SNX29: variants seen among roughly 807,000 people sequenced by gnomAD.
The protein encoded by SNX29 is sorting nexin-29.
SNX29 carries 78 observed loss-of-function variants against 102.1 expected under a neutral mutation model. That is an observed-to-expected ratio of 0.76 (90% CI 0.64 to 0.92). The LOEUF is 0.92. Among genes scored for constraint, SNX29 ranks in the 40% least tolerant of loss-of-function variants. The pLI is 0.00. For missense variants in SNX29, 1,280 were observed against 1,061.7 expected, an observed-to-expected ratio of 1.21 and a Z score of -2.86; for synonymous variants, 580 against 414.5, an observed-to-expected ratio of 1.40 and a Z score of -4.85.
intron 14 of SNX29, among the ~76,000 whole-genome samples, chr16:12,226,893 G>C (rs894347502): frequency 3.9e-5 from 6 of 152,092 alleles, no homozygotes; most frequent in Non-Finnish European, 8.8e-5. Flanking sequence ...TTCAGGTTTT[G>C]GTGGCATTTA....
rs990017166 is a variant in SNX29 at position 12,551,691 on chromosome 16, C to A, written c.2319-16815C>A. Among the ~76,000 whole-genome samples, 58 of 152,328 alleles carry A rather than the reference C, an allele frequency of 3.8e-4. 1 individual carries two copies. Among genetic ancestry groups the A allele is most frequent in the Middle Eastern group, 3.4e-3 (1 of 294 alleles). On this transcript the variant is annotated intron_variant, in intron 20 of 20. Transcript: ENST00000566228. ...TGTGCAGTAGGATAAAAGTACCACC[C>A]TCCTTTCAGGTGGTGAGCCAACTTG...
At chr16:12,383,429 C>CTTTCTTTTTTTTCTTT (rs1467092241) in intron 16 of SNX29, among the ~76,000 whole-genome samples, 2 of 152,130 alleles carry the variant, frequency 1.3e-5, no homozygotes, top group Non-Finnish European at 2.9e-5. Context: ...TGATGAGTCA[C>CTTTCTTTTTTTTCTTT]TTTCTTTTTT....
At chr16:12,416,610 C>T (rs2084648842) in intron 18 of SNX29, among the ~76,000 whole-genome samples, 1 of 152,188 alleles carries the variant, frequency 6.6e-6, no homozygotes, top group African/African-American at 2.4e-5. Flanking sequence ...CTTTGGCTCC[C>T]AGTTCTGCAG....
chr16:12,528,485 C>G (rs1027394021), intron 20 of SNX29, among the ~76,000 whole-genome samples: 1 of 152,156 alleles, frequency 6.6e-6, no homozygotes, highest in African/African-American at 2.4e-5. Flanking sequence ...CAGGTGTGAG[C>G]CACCACCCCC....
intron 20 of SNX29, among the ~76,000 whole-genome samples, chr16:12,547,887 C>G (rs144860068): frequency 1.3e-5 from 2 of 152,244 alleles, no homozygotes; most frequent in African/African-American, 2.4e-5. Context: ...AGCAGCAGTT[C>G]TAGGGCTGTA....
intron 14 of SNX29, among the ~76,000 whole-genome samples, chr16:12,265,216 C>T (rs774993254): frequency 9.2e-5 from 14 of 152,262 alleles, no homozygotes; most frequent in Non-Finnish European, 1.8e-4. Flanking sequence ...CACAGCTGTC[C>T]GCATGTTTTA....
intron 13 of SNX29, 63 bp from the exon 14 acceptor site, chr16:12,199,538 C>T (rs992960285): frequency 1.4e-6 from 2 of 1,456,680 alleles, no homozygotes; most frequent in Admixed American, 4.0e-5. Context: ...CCCCTGCCCC[C>T]TCCTGTGGGT....
intron 20 of SNX29, among the ~76,000 whole-genome samples, chr16:12,539,068 A>C (rs1291813321): frequency 6.6e-6 from 1 of 152,240 alleles, no homozygotes; most frequent in East Asian, 1.9e-4. Context: ...ATTCTGGGAT[A>C]GGGCCAAGTT....
At chr16:12,398,635 A>C in intron 17 of SNX29, 134 bp downstream of exon 17, 2 of 971,512 alleles carry the variant, frequency 2.1e-6, no homozygotes. Context: ...GTTCTTGTAG[A>C]GCTGGTAGGA....
chr16:12,401,612 C>T (rs948439766), intron 17 of SNX29, among the ~76,000 whole-genome samples: 1 of 152,120 alleles, frequency 6.6e-6, no homozygotes, highest in Non-Finnish European at 1.5e-5. Context: ...GATCCACCTT[C>T]CTCAGCCTCC....
chr16:12,401,086 C>T (rs1440637171), intron 17 of SNX29, among the ~76,000 whole-genome samples: 1 of 152,132 alleles, frequency 6.6e-6, no homozygotes, highest in Admixed American at 6.5e-5. Flanking sequence ...CTACCTCGGC[C>T]TCCCAAAGTG....
intron 13 of SNX29, among the ~76,000 whole-genome samples, chr16:12,168,488 C>G (rs1375379006): frequency 6.6e-6 from 1 of 152,196 alleles, no homozygotes; most frequent in Non-Finnish European, 1.5e-5. Context: ...ATTCTAGGTT[C>G]CTCTGCTCCT....
chr16:12,072,496 C>G (rs977556169), intron 10 of SNX29, among the ~76,000 whole-genome samples: 2 of 152,170 alleles, frequency 1.3e-5, no homozygotes, highest in Non-Finnish European at 2.9e-5. Flanking sequence ...GTTGAACCAG[C>G]CTTTCATCCC....
chr16:12,007,983 A>G (rs2056513740), intron 3 of SNX29, among the ~76,000 whole-genome samples: 1 of 151,804 alleles, frequency 6.6e-6, no homozygotes, highest in Admixed American at 6.6e-5. Flanking sequence ...TCGCTCTGTC[A>G]CCCAGGCCGG....
At chr16:12,068,049 G>T (rs955368857) in intron 9 of SNX29, among the ~76,000 whole-genome samples, 2 of 152,118 alleles carry the variant, frequency 1.3e-5, no homozygotes, top group Admixed American at 6.5e-5. Context: ...AGACCATGCT[G>T]CCCTCTACTG....
chr16:12,118,302 A>G (rs2053820075), intron 11 of SNX29, among the ~76,000 whole-genome samples: 1 of 127,366 alleles, frequency 7.9e-6, no homozygotes, highest in Non-Finnish European at 1.6e-5. Context: ...GATAGTAGAT[A>G]TACAGACCAC....
intron 14 of SNX29, among the ~76,000 whole-genome samples, chr16:12,208,521 G>T (rs776511563): frequency 3.9e-5 from 6 of 152,076 alleles, no homozygotes; most frequent in Non-Finnish European, 8.8e-5. Flanking sequence ...TGGGTGTGGT[G>T]GCTCACGCCT....
intron 15 of SNX29, among the ~76,000 whole-genome samples, chr16:12,329,011 C>A (rs983200084): frequency 3.3e-5 from 5 of 151,974 alleles, no homozygotes; most frequent in South Asian, 4.2e-4. Flanking sequence ...ATGGCTCACA[C>A]CTGTAATCCC....
chr16:12,412,146 G>C (rs1278001530), intron 18 of SNX29, among the ~76,000 whole-genome samples: 1 of 152,210 alleles, frequency 6.6e-6, no homozygotes, highest in Non-Finnish European at 1.5e-5. Context: ...CGGCCATCGG[G>C]TAGGACGCCC....
Sources: allele counts gnomAD v4.1 joint callset (sites outside exome capture counted in the v4.1 genomes callset), GRCh38; gene constraint gnomAD v4.1.1; transcripts MANE v1.5; gene names NCBI Gene and HGNC (gene_info 2026-07-23, HGNC 2026-07-21).